CASK: variants seen among roughly 807,000 people sequenced by gnomAD.
CASK encodes calcium/calmodulin dependent serine protein kinase, also known as peripheral plasma membrane protein CASK.
In CASK, 4 loss-of-function variants were observed where a neutral mutation model predicts 82.9. That is an observed-to-expected ratio of 0.05 (90% CI 0.02 to 0.11). The LOEUF is 0.11. CASK is among the 10% of genes least tolerant of loss of function. The probability of loss-of-function intolerance (pLI) is 1.00; values close to 1 mark genes in which losing one functional copy is unlikely to be tolerated. For synonymous variants in CASK, 259 were observed against 253.5 expected (o/e 1.02, Z -0.20); for missense variants, 358 against 720.9 (o/e 0.50, Z 5.76).
At chrX:41,637,560 T>C (rs1162281371) in intron 8 of CASK, among the ~76,000 whole-genome samples, 1 of 103,920 alleles carries the variant, frequency 9.6e-6, no homozygotes, top group Non-Finnish European at 2.0e-5. Context: ...GTTGAGGCTG[T>C]GGTGAGCTAG....
intron 3 of CASK, among the ~76,000 whole-genome samples, chrX:41,762,481 C>T (rs766370043): frequency 8.9e-6 from 1 of 111,785 alleles, no homozygotes; most frequent in African/African-American, 3.2e-5. Flanking sequence ...CTACAACCAC[C>T]ATAAACTCAA....
At chrX:41,839,809 G>T (rs1234707316) in intron 2 of CASK, among the ~76,000 whole-genome samples, 1 of 111,849 alleles carries the variant, frequency 8.9e-6, no homozygotes, top group Non-Finnish European at 1.9e-5. Flanking sequence ...ATGTCCAGTT[G>T]TTCTGGCACC....
intron 1 of CASK, among the ~76,000 whole-genome samples, chrX:41,912,135 A>G (rs1286009427): frequency 9.3e-6 from 1 of 107,886 alleles, no homozygotes; most frequent in East Asian, 2.9e-4. Context: ...AAACTAACAC[A>G]GGAACAGAAA....
At chrX:41,914,626 A>G (rs752111691) in intron 1 of CASK, among the ~76,000 whole-genome samples, 2 of 112,498 alleles carry the variant, frequency 1.8e-5, no homozygotes, top group East Asian at 2.8e-4. Context: ...ATATAAGACA[A>G]TAACAGTGGT....
chrX:41,698,672 T>C (rs1365959791), intron 5 of CASK, among the ~76,000 whole-genome samples: 1 of 111,652 alleles, frequency 9.0e-6, no homozygotes, highest in Non-Finnish European at 1.9e-5. Context: ...TGGCCAGCAT[T>C]TGTCCAGTTC....
intron 2 of CASK, among the ~76,000 whole-genome samples, chrX:41,794,574 A>G (rs1357202481): frequency 8.9e-6 from 1 of 112,148 alleles, no homozygotes; most frequent in Non-Finnish European, 1.9e-5. Flanking sequence ...AATTAGAGAA[A>G]TATCAGTTTA....
chrX:41,647,594 A>G (rs948694797), intron 8 of CASK, among the ~76,000 whole-genome samples: 1 of 111,727 alleles, frequency 9.0e-6, no homozygotes, highest in Non-Finnish European at 1.9e-5. Flanking sequence ...CTTCATCGCC[A>G]TGGCACATTT....
At chrX:41,805,301 C>T (rs759688223) in intron 2 of CASK, among the ~76,000 whole-genome samples, 13 of 111,775 alleles carry the variant, frequency 1.2e-4, no homozygotes, top group African/African-American at 4.2e-4. Flanking sequence ...GAGACTACTT[C>T]AGGAATAGTA....
intron 14 of CASK, among the ~76,000 whole-genome samples, chrX:41,579,249 T>C (rs1394133664): frequency 8.9e-6 from 1 of 112,254 alleles, no homozygotes; most frequent in African/African-American, 3.2e-5. Flanking sequence ...TACACACAGA[T>C]GTACCTTAAA....
intron 2 of CASK, among the ~76,000 whole-genome samples, chrX:41,829,734 T>TATAC (rs1556208238): frequency 0.08 from 2,371 of 29,629 alleles, 294 homozygotes; most frequent in Non-Finnish European, 0.12. Flanking sequence ...TATATATATA[T>TATAC]ATATATATAT....
chrX:41,864,101 C>T (rs902426781), intron 1 of CASK, among the ~76,000 whole-genome samples: 2 of 111,387 alleles, frequency 1.8e-5, no homozygotes, highest in Non-Finnish European at 3.8e-5. Context: ...TTAATCTCTT[C>T]TCATTTAAAA....
intron 2 of CASK, among the ~76,000 whole-genome samples, chrX:41,820,894 T>C (rs1049407674): frequency 9.0e-6 from 1 of 111,327 alleles, no homozygotes; most frequent in African/African-American, 3.2e-5. Context: ...CTGGAGCGAA[T>C]GGCTACCCAT....
intron 1 of CASK, among the ~76,000 whole-genome samples, chrX:41,876,390 A>C (rs2071819266): frequency 9.0e-6 from 1 of 111,601 alleles, no homozygotes; most frequent in Non-Finnish European, 1.9e-5. Context: ...TTCCAGATCC[A>C]AAGTCCATGA....
chrX:41,609,553 CT>C (rs564178433), intron 12 of CASK, among the ~76,000 whole-genome samples: 13,519 of 97,262 alleles, frequency 0.14, 746 homozygotes, highest in Middle Eastern at 0.17. Context: ...TATTCAATTT[CT>C]TTTTTTTTTT....
chrX:41,785,629 C>A (rs1049108913), intron 3 of CASK, among the ~76,000 whole-genome samples: 1 of 112,392 alleles, frequency 8.9e-6, no homozygotes, highest in Non-Finnish European at 1.9e-5. Context: ...AAGGAGTTAA[C>A]ATTAACTGGT....
chrX:41,716,622 C>T (rs2068066383), intron 5 of CASK, among the ~76,000 whole-genome samples: 1 of 112,090 alleles, frequency 8.9e-6, no homozygotes, highest in African/African-American at 3.3e-5. Flanking sequence ...AGGGCTGCAA[C>T]TACAAGTGCT....
intron 5 of CASK, chrX:41,696,619 TG>T: frequency 8.3e-7 from 1 of 1,211,063 alleles, no homozygotes; most frequent in Non-Finnish European, 1.1e-6. Flanking sequence ...ATGTATTTCC[TG>T]ATGTCCAGTA....
intron 12 of CASK, among the ~76,000 whole-genome samples, chrX:41,602,250 T>C (rs1156450149): frequency 1.8e-5 from 2 of 112,140 alleles, no homozygotes; most frequent in African/African-American, 3.2e-5. Context: ...TCCAACAGTA[T>C]ATCTCTGCTC....
At chrX:41,690,822 C>T (rs931610202) in intron 5 of CASK, among the ~76,000 whole-genome samples, 5 of 108,195 alleles carry the variant, frequency 4.6e-5, no homozygotes, top group Admixed American at 1.0e-4. Flanking sequence ...TATAGGCGCA[C>T]GTCACCATAC....
Sources: gnomAD v4.1 joint callset for allele counts (sites outside exome capture counted in the v4.1 genomes callset) on GRCh38, gnomAD v4.1.1 for gene constraint, MANE v1.5 for transcripts, NCBI Gene and HGNC (gene_info 2026-07-23, HGNC 2026-07-21) for gene names.